The following ZNF667 variants were observed in gnomAD, a reference collection of about 807,000 sequenced individuals.
The protein encoded by ZNF667 is zinc finger protein 667.
In ZNF667, 13 loss-of-function variants were observed where a neutral mutation model predicts 31.8. That is an observed-to-expected ratio of 0.41 (90% CI 0.27 to 0.65). The LOEUF is 0.65. Ranked by LOEUF, ZNF667 falls within the 30% of genes least tolerant of loss-of-function variation. The pLI is 0.32. For synonymous variants in ZNF667, 228 were observed against 247.1 expected (o/e 0.92, Z 0.73); for missense variants, 642 against 725.6 (o/e 0.88, Z 1.32).
intron 6 of ZNF667, among the ~76,000 whole-genome samples, chr19:56,448,455 G>T (rs1600408115): frequency 6.6e-6 from 1 of 152,156 alleles, no homozygotes; most frequent in Admixed American, 6.5e-5. Context: ...GCTTGGCTCA[G>T]AACCAGTGGA....
In ZNF667 at chr19:56,440,715, C is replaced by T; in HGVS notation, c.*447G>A. ...GCAGTGGTGCAATCTCTGCTCGGTG[C>T]AACCCCCACCTCCTGGGTTCAAGCG... On this transcript the variant is annotated 3_prime_UTR_variant, in exon 7 of 7. Transcript: ENST00000504904. 1.7e-6 allele frequency: 1 copy of T among 594,164 alleles called. No individual in the cohort carries two copies. Among genetic ancestry groups the T allele is most frequent in the Non-Finnish European group, 2.1e-6 (1 of 468,020 alleles). 36.8% of individuals were successfully genotyped at this position (594,164 alleles called of 1,614,324 possible).
chr19:56,449,659 T>C (rs1311748967), intron 6 of ZNF667: 1 of 130,898 alleles, frequency 7.6e-6, no homozygotes, highest in South Asian at 2.3e-4. Flanking sequence ...TAGTCCAGCC[T>C]GGGGAACAGA....
At chr19:56,460,844 C>T (rs745432004) in intron 4 of ZNF667, 29 bp from the exon 5 acceptor site, 1 of 1,550,334 alleles carries the variant, frequency 6.5e-7, no homozygotes, top group Admixed American at 2.0e-5. Flanking sequence ...TGTCTATTCA[C>T]CATGGACTTG....
intron 6 of ZNF667, among the ~76,000 whole-genome samples, chr19:56,451,868 C>CAAAAAAAAAAAAA (rs71184363): frequency 4.9e-5 from 4 of 80,948 alleles, no homozygotes; most frequent in African/African-American, 2.1e-4. Context: ...GACCCTGTCT[C>CAAAAAAAAAAAAA]AAAAAAAAAA....
chr19:56,465,527 G>T (rs1013192953), intron 3 of ZNF667, among the ~76,000 whole-genome samples: 1 of 152,226 alleles, frequency 6.6e-6, no homozygotes, highest in Non-Finnish European at 1.5e-5. Context: ...GCAACACTGA[G>T]GATTATCATT....
chr19:56,467,039 T>C (rs1045204236), intron 3 of ZNF667: 50 of 456,546 alleles, frequency 1.1e-4, no homozygotes, highest in African/African-American at 7.6e-4. Context: ...ATGGTCTGGA[T>C]TGGGACCCTC....
intron 6 of ZNF667, among the ~76,000 whole-genome samples, chr19:56,455,326 A>AC (rs1181915968): frequency 2.0e-5 from 3 of 151,928 alleles, no homozygotes; most frequent in East Asian, 1.9e-4. Context: ...CTTGGTATAT[A>AC]CCCCCCCAAA....
intron 3 of ZNF667, chr19:56,468,708 G>C: frequency 6.6e-6 from 1 of 152,196 alleles, no homozygotes. Flanking sequence ...TAAGATTTCA[G>C]GAGTTTTATG....
chr19:56,473,102 T>C (rs1300972127), intron 2 of ZNF667: 1 of 152,232 alleles, frequency 6.6e-6, no homozygotes, highest in African/African-American at 2.4e-5. Flanking sequence ...TCTTTGCACA[T>C]GTGCACAATG....
intron 6 of ZNF667, among the ~76,000 whole-genome samples, chr19:56,452,048 T>TC (rs966213732): frequency 1.3e-5 from 2 of 150,582 alleles, no homozygotes; most frequent in African/African-American, 4.9e-5. Flanking sequence ...TGAAGAAATC[T>TC]CTTTTTTTTT....
rs755057212 is a variant in ZNF667 at position 56,442,732 on chromosome 19, G to C, written c.263C>G (p.Ser88Cys). 1 of 1,574,772 alleles carries C rather than the reference G, an allele frequency of 6.4e-7. No homozygotes were observed. Among genetic ancestry groups the C allele is most frequent in the East Asian group, 2.2e-5 (1 of 44,586 alleles). Residue 88 changes from serine to cysteine, a missense_variant, in exon 7 of 7, where the codon TCT becomes TGT. Ser to Cys is a moderately radical substitution (Grantham distance 112). Coordinates refer to ENST00000504904, the MANE Select transcript of ZNF667 (RefSeq NM_001321356.2). ...VRRRRAPDSG[S>C]KCETKKLPPN... is the part of the protein sequence containing the mutation. ...AGGTAACTTCTTGGTCTCACATTTA[G>C]ACCCCGAGTCTGAAAGACATAAAGG...
At chr19:56,449,909 G>GAT (rs1317195524) in intron 6 of ZNF667, among the ~76,000 whole-genome samples, 1 of 151,278 alleles carries the variant, frequency 6.6e-6, no homozygotes, top group African/African-American at 2.4e-5. Flanking sequence ...TGAGCTTGAA[G>GAT]ATGGGCTCTT....
chr19:56,444,648 C>T (rs1406847081), intron 6 of ZNF667, among the ~76,000 whole-genome samples: 1 of 110,536 alleles, frequency 9.0e-6, no homozygotes, highest in East Asian at 2.8e-4. Context: ...CCACAGACCC[C>T]ACCTCCAACA....
chr19:56,469,569 C>A (rs1244702352), intron 3 of ZNF667, among the ~76,000 whole-genome samples: 2 of 152,208 alleles, frequency 1.3e-5, no homozygotes, highest in African/African-American at 4.8e-5. Context: ...CCTGAAGGGG[C>A]TGCCACAGCC....
intron 3 of ZNF667, chr19:56,468,508 A>C (rs10423274): frequency 6.6e-6 from 1 of 152,110 alleles, no homozygotes; most frequent in Non-Finnish European, 1.5e-5. Context: ...CATCTCACAC[A>C]TACTGGCTGA....
In ZNF667 at chr19:56,440,536, C is replaced by T; in HGVS notation, c.*626G>A. On this transcript the variant is annotated 3_prime_UTR_variant, in exon 7 of 7. Coordinates refer to ENST00000504904, the MANE Select transcript of ZNF667 (RefSeq NM_001321356.2). ...CAGACTCAAATTCTTTTTTCTGTGA[C>T]CTTAAATCAGGCTCAGAGCCCTATA... 1 of 937,672 alleles carries T rather than the reference C, an allele frequency of 1.1e-6. No homozygotes were observed. Among genetic ancestry groups the T allele is most frequent in the African/African-American group, 1.8e-5 (1 of 56,274 alleles). The allele number at this position is 937,672 out of a possible 1,614,324, so 58.1% of individuals were successfully genotyped here.
Position 56,439,518 on chromosome 19 carries a change from A to ATT in ZNF667, c.*1642_*1643dup, listed in dbSNP as rs1205660991. 6.6e-6 allele frequency: 1 copy of ATT among 152,238 alleles called. No homozygotes were observed. The highest frequency in any genetic ancestry group is 1.5e-5 in the Non-Finnish European group (1 of 68,054). 9.4% of individuals were successfully genotyped at this position (152,238 alleles called of 1,614,324 possible). A position where few individuals can be genotyped will look rare whatever the true frequency, so the allele number is the denominator to read the frequency against. Reference sequence around the variant, plus strand: ...CATAGACTGGGTGGCTTAAACAACAATTTACTTCTCACAGTTCTGAAGTCT... The same window carrying ATT: ...CATAGACTGGGTGGCTTAAACAACAATTTTTACTTCTCACAGTTCTGAAGTCT... On this transcript the variant is annotated 3_prime_UTR_variant, in exon 7 of 7. Coordinates refer to ENST00000504904, the MANE Select transcript of ZNF667 (RefSeq NM_001321356.2).
At chr19:56,453,422 CTTAATA>C (rs2042874337) in intron 6 of ZNF667, among the ~76,000 whole-genome samples, 1 of 151,956 alleles carries the variant, frequency 6.6e-6, no homozygotes, top group Non-Finnish European at 1.5e-5. Context: ...AAAAAAAGAG[CTTAATA>C]TTAATTCAAG....
intron 6 of ZNF667, among the ~76,000 whole-genome samples, chr19:56,448,617 T>C (rs1568839587): frequency 7.0e-6 from 1 of 142,672 alleles, no homozygotes; most frequent in Non-Finnish European, 1.5e-5. Flanking sequence ...TCTTGCAACT[T>C]GGATATCATC....
Sources: gnomAD v4.1 joint callset for allele counts (sites outside exome capture counted in the v4.1 genomes callset) on GRCh38, gnomAD v4.1.1 for gene constraint, MANE v1.5 for transcripts, NCBI Gene and HGNC (gene_info 2026-07-23, HGNC 2026-07-21) for gene names.